Variants in DEUP1 observed in about 807,000 individuals in gnomAD.
DEUP1 encodes the protein deuterosome assembly protein 1, also known as coiled-coil domain containing 67.
Under a neutral mutation model 87.4 loss-of-function variants are expected in DEUP1, and 82 were observed. The observed-to-expected ratio is 0.94, with a 90% CI of 0.78 to 1.13. DEUP1 has a LOEUF of 1.13. Ranked by LOEUF, DEUP1 falls within the 50% of genes most tolerant of loss-of-function variation. The pLI, the probability that DEUP1 is intolerant of heterozygous loss-of-function variation, is 0.00. For synonymous variants in DEUP1, 214 were observed against 222.7 expected (o/e 0.96, Z 0.35); for missense variants, 663 against 681.5 (o/e 0.97, Z 0.30).
At chr11:93,430,988 C>G (rs377755313) in intron 13 of DEUP1, among the ~76,000 whole-genome samples, 2 of 151,276 alleles carry the variant, frequency 1.3e-5, no homozygotes, top group Middle Eastern at 3.4e-3. Context: ...CCCAGCTACT[C>G]CAGAAGCTGA....
chr11:93,371,055 C>T lies in DEUP1; in HGVS notation c.564C>T (p.Tyr188=). 2 of 1,610,536 alleles carry T rather than the reference C, an allele frequency of 1.2e-6. No individual in the cohort carries two copies. Among genetic ancestry groups the T allele is most frequent in the Non-Finnish European group, 1.7e-6 (2 of 1,178,238 alleles). Residue 188 remains tyrosine (Y), a synonymous_variant, in exon 7 of 14, where the codon TAC becomes TAT. Transcript: ENST00000298050. ...TTTTTCAGAAACAGGCACAAAGTTA[C>T]CAAACTCAACTAAATGGTAAAAAAC... ...CNQFQKQAQS[Y]QTQLNGKKQC...
intron 2 of DEUP1, among the ~76,000 whole-genome samples, chr11:93,342,537 T>C (rs1223325530): frequency 6.6e-6 from 1 of 152,232 alleles, no homozygotes; most frequent in Non-Finnish European, 1.5e-5. Context: ...GTACCCACAA[T>C]ATCTGCTGCA....
rs149488820 is a variant in DEUP1, at chr11:93,389,426, A to G, written c.1041+301A>G. ...TTGAGAGCACAGACTCTGGTGCTCA[A>G]CCACACACGTAAGCTTGGAGAAGTT... On this transcript the variant is annotated intron_variant, in intron 9 of 13. Coordinates refer to ENST00000298050, the MANE Select transcript of DEUP1 (RefSeq NM_181645.4). Among the ~76,000 whole-genome samples, 650 of 152,346 alleles carry G rather than the reference A, an allele frequency of 4.3e-3. 4 individuals are homozygous for G. The highest frequency in any genetic ancestry group is 7.8e-3 in the Admixed American group (119 of 15,302).
intron 2 of DEUP1, among the ~76,000 whole-genome samples, chr11:93,338,079 T>C (rs1007569199): frequency 1.3e-5 from 2 of 152,062 alleles, no homozygotes; most frequent in Non-Finnish European, 2.9e-5. Context: ...AAAACATGAA[T>C]ATTACAGATA....
At chr11:93,403,391 A>G (rs1947181356) in intron 11 of DEUP1, among the ~76,000 whole-genome samples, 1 of 151,952 alleles carries the variant, frequency 6.6e-6, no homozygotes, top group Admixed American at 6.6e-5. Context: ...AAGTTTCACT[A>G]CTACTACTTA....
intron 13 of DEUP1, among the ~76,000 whole-genome samples, chr11:93,435,856 A>C (rs1029644196): frequency 6.6e-6 from 1 of 151,888 alleles, no homozygotes; most frequent in Non-Finnish European, 1.5e-5. Flanking sequence ...ATTAGCCGGG[A>C]GTGGTGGCGG....
In DEUP1 at chr11:93,394,517, G is replaced by A. The variant is rs1457338399; in HGVS notation, c.1100G>A (p.Arg367Lys). ...EYHNSEQERMRNEISDLTEEL... is the reference protein window; with the variant it reads ...EYHNSEQERMKNEISDLTEEL... ...CATAACTCTGAGCAGGAAAGAATGA[G>A]GAATGAAATCTCTGACCTAACAGAA... The change falls in exon 10 of 14, where the codon AGG (arginine) becomes AAG (lysine). Residue 367 changes from arginine (R) to lysine (K), a missense_variant. By Grantham distance (26) the Arg-to-Lys change is conservative (BLOSUM62 2). Transcript: ENST00000298050. 2 of 1,607,972 alleles carry A rather than the reference G, an allele frequency of 1.2e-6. No individual in the cohort carries two copies. Among genetic ancestry groups the A allele is most frequent in the Non-Finnish European group, 1.7e-6 (2 of 1,177,064 alleles).
chr11:93,348,107 CTAGATTTTCTAGTT>C (rs1194591824), intron 2 of DEUP1, among the ~76,000 whole-genome samples: 4 of 152,144 alleles, frequency 2.6e-5, no homozygotes, highest in Admixed American at 2.0e-4. Flanking sequence ...TCCTTTTCTC[CTAGATTTTCTAGTT>C]TATGTGCATA....
intron 7 of DEUP1, among the ~76,000 whole-genome samples, chr11:93,372,655 A>G (rs1286907775): frequency 6.6e-6 from 1 of 152,186 alleles, no homozygotes; most frequent in Non-Finnish European, 1.5e-5. Flanking sequence ...TCTCCCATTC[A>G]GAGGCAATTG....
intron 7 of DEUP1, among the ~76,000 whole-genome samples, chr11:93,371,864 C>T (rs1173252502): frequency 6.6e-6 from 1 of 151,566 alleles, no homozygotes; most frequent in Non-Finnish European, 1.5e-5. Flanking sequence ...TTCTTGCAAC[C>T]TTTAGGAAGG....
intron 6 of DEUP1, among the ~76,000 whole-genome samples, chr11:93,370,705 T>C (rs1173196007): frequency 6.6e-6 from 1 of 152,222 alleles, no homozygotes; most frequent in Non-Finnish European, 1.5e-5. Context: ...TGTTTTTATT[T>C]ATTTTTGGTT....
intron 11 of DEUP1, among the ~76,000 whole-genome samples, chr11:93,406,897 CAT>C (rs1002397999): frequency 6.6e-6 from 1 of 151,804 alleles, no homozygotes; most frequent in African/African-American, 2.4e-5. Flanking sequence ...TGCCAGGAAA[CAT>C]ATATATTCTA....
At chr11:93,418,582 T>A (rs1172848594) in intron 13 of DEUP1, among the ~76,000 whole-genome samples, 1 of 151,592 alleles carries the variant, frequency 6.6e-6, no homozygotes, top group Non-Finnish European at 1.5e-5. Flanking sequence ...ACACTGTTGG[T>A]GGGACTGTAA....
In DEUP1 at chr11:93,348,077, A is replaced by G. The variant is rs1327279281; in HGVS notation, c.30-7294A>G. ...TTTTTCCTGGCTCAGTTTTGGGAGG[A>G]TGTATGTGTCCAGAAATTATCCTTT... On this transcript the variant is annotated intron_variant, in intron 2 of 13. Transcript: ENST00000298050. 5.3e-5 allele frequency among the ~76,000 whole-genome samples: 8 copies of G among 151,908 alleles called. No individual in the cohort carries two copies. In the East Asian group the frequency reaches 1.5e-3, roughly 29 times the overall value.
intron 5 of DEUP1, among the ~76,000 whole-genome samples, chr11:93,364,681 TTTTAAAACA>T (rs1387616631): frequency 6.6e-6 from 1 of 152,002 alleles, no homozygotes; most frequent in Non-Finnish European, 1.5e-5. Context: ...TCATCACAGT[TTTTAAAACA>T]GGGCTTGAAG....
chr11:93,371,832 TG>T (rs1274995536), intron 7 of DEUP1, among the ~76,000 whole-genome samples: 2 of 152,222 alleles, frequency 1.3e-5, no homozygotes, highest in African/African-American at 2.4e-5. Flanking sequence ...AACTGAATAA[TG>T]TTTTTTTCTT....
intron 11 of DEUP1, among the ~76,000 whole-genome samples, chr11:93,401,902 C>G (rs1947130749): frequency 6.6e-6 from 1 of 151,812 alleles, no homozygotes; most frequent in Non-Finnish European, 1.5e-5. Context: ...TATGAAACTA[C>G]TAAAAGAAGA....
intron 2 of DEUP1, among the ~76,000 whole-genome samples, chr11:93,354,752 AC>A (rs1283939094): frequency 1.3e-5 from 2 of 152,048 alleles, no homozygotes; most frequent in Non-Finnish European, 2.9e-5. Context: ...GGAAAGACTG[AC>A]CCCCATGATC....
intron 1 of DEUP1, among the ~76,000 whole-genome samples, chr11:93,331,053 C>G (rs986039837): frequency 6.6e-6 from 1 of 152,228 alleles, no homozygotes; most frequent in African/African-American, 2.4e-5. Flanking sequence ...CTTGTCTGTG[C>G]CTCAGTTTCC....
Sources: allele counts gnomAD v4.1 joint callset (sites outside exome capture counted in the v4.1 genomes callset), GRCh38; gene constraint gnomAD v4.1.1; transcripts MANE v1.5; gene names NCBI Gene and HGNC (gene_info 2026-07-23, HGNC 2026-07-21).